The following TRAPPC13 variants were observed in gnomAD, a reference collection of about 807,000 sequenced individuals.
The protein encoded by TRAPPC13 is trafficking protein particle complex subunit 13, also known as REV7-interacting novel NHEJ regulator 1.
A neutral mutation model predicts 54.0 loss-of-function variants in TRAPPC13; 39 were observed. The observed-to-expected ratio is 0.72, with a 90% CI of 0.56 to 0.94. The LOEUF (loss-of-function observed/expected upper bound fraction) is 0.94. Among genes scored for constraint, TRAPPC13 ranks in the 40% least tolerant of loss-of-function variants. The pLI, the probability that TRAPPC13 is intolerant of heterozygous loss-of-function variation, is 0.00. For missense variants in TRAPPC13, 386 were observed against 488.1 expected (o/e 0.79, Z 1.97); for synonymous variants, 148 against 167.7 (o/e 0.88, Z 0.91).
chr5:65,638,420 G>C (rs1007773138), intron 4 of TRAPPC13, among the ~76,000 whole-genome samples: 2 of 152,170 alleles, frequency 1.3e-5, no homozygotes, highest in Admixed American at 6.5e-5. Context: ...AAGGTTTCTT[G>C]GGGGAGAGGG....
At chr5:65,645,905 T>C (rs1313236324) in intron 4 of TRAPPC13, among the ~76,000 whole-genome samples, 1 of 150,368 alleles carries the variant, frequency 6.7e-6, no homozygotes, top group Non-Finnish European at 1.5e-5. Flanking sequence ...TGACCTAATG[T>C]GATCTTTGCT....
At chr5:65,659,685 C>A (rs1233205951) in intron 9 of TRAPPC13, among the ~76,000 whole-genome samples, 2 of 152,094 alleles carry the variant, frequency 1.3e-5, no homozygotes, top group Non-Finnish European at 2.9e-5. Context: ...GACAATAATA[C>A]AGATAAGAAA....
chr5:65,632,847 T>G (rs1000045690), intron 1 of TRAPPC13, among the ~76,000 whole-genome samples: 6 of 152,234 alleles, frequency 3.9e-5, no homozygotes, highest in Non-Finnish European at 8.8e-5. Flanking sequence ...GGTTTTTAAT[T>G]GCCTTCAGTT....
At chr5:65,643,798 C>A (rs1235541834) in intron 4 of TRAPPC13, among the ~76,000 whole-genome samples, 2 of 120,228 alleles carry the variant, frequency 1.7e-5, no homozygotes, top group African/African-American at 6.6e-5. Flanking sequence ...GCCTGGGCGA[C>A]AGAGTGAGAC....
intron 11 of TRAPPC13, chr5:65,664,032 T>C: frequency 1.9e-6 from 1 of 530,662 alleles, no homozygotes; most frequent in Admixed American, 3.7e-5. Context: ...TCTGAGGCTA[T>C]TTTAAGTGCT....
chr5:65,658,107 T>G, intron 8 of TRAPPC13: 1 of 293,714 alleles, frequency 3.4e-6, no homozygotes, highest in Non-Finnish European at 6.3e-6. Context: ...TTAAGTATTT[T>G]GGGATGTTAA....
intron 1 of TRAPPC13, chr5:65,630,294 AAATT>A (rs1755476793): frequency 3.3e-6 from 5 of 1,531,056 alleles, no homozygotes; most frequent in African/African-American, 1.4e-5. Context: ...CTTACTGGAA[AAATT>A]AATTTATTTG....
intron 1 of TRAPPC13, chr5:65,629,361 T>A (rs1256324009): frequency 2.6e-6 from 2 of 783,444 alleles, no homozygotes; most frequent in African/African-American, 3.5e-5. Flanking sequence ...TTTGGTAAAA[T>A]ACCACATTGG....
chr5:65,665,566 ACTTATTTTCTAATTATAAGCCAAAAACCC>A lies in TRAPPC13; in HGVS notation c.*958_*986del, dbSNP rs1757010162. Reference sequence around the variant, plus strand: ...TAATTAACTATTAACTAAGAATAATACTTATTTTCTAATTATAAGCCAAAAACCCCTGGGTTTTTTTCTCATTGATTAAG... The same window carrying A: ...TAATTAACTATTAACTAAGAATAATACTGGGTTTTTTTCTCATTGATTAAG... On this transcript the variant is annotated 3_prime_UTR_variant, in exon 13 of 13. Transcript: ENST00000399438. The A allele has an allele frequency of 6.6e-6, 1 of 152,100 alleles. No homozygotes were observed. The highest frequency in any genetic ancestry group is 6.6e-5 in the Admixed American group (1 of 15,264). 9.4% of individuals were successfully genotyped at this position (152,100 alleles called of 1,614,324 possible).
intron 4 of TRAPPC13, among the ~76,000 whole-genome samples, chr5:65,642,049 G>A (rs1361640621): frequency 1.3e-5 from 2 of 152,110 alleles, no homozygotes; most frequent in African/African-American, 2.4e-5. Context: ...TTGGCCGGGT[G>A]CAGTGGCTCA....
Position 65,664,705 on chromosome 5 carries a change from A to G in TRAPPC13, c.*94A>G. ...TGATGACGTCAACAACGAAGTAAATATGTTACTTAAATTTTCTTTCCTGTA... is the reference window on the plus strand; with the variant it reads ...TGATGACGTCAACAACGAAGTAAATGTGTTACTTAAATTTTCTTTCCTGTA... On this transcript the variant is annotated 3_prime_UTR_variant, in exon 13 of 13. Transcript: ENST00000399438. 1.2e-6 allele frequency: 1 copy of G among 851,160 alleles called. No homozygotes were observed. Among genetic ancestry groups the G allele is most frequent in the South Asian group, 1.6e-5 (1 of 61,018 alleles). The allele number at this position is 851,160 out of a possible 1,614,324, so 52.7% of individuals were successfully genotyped here.
chr5:65,634,821 C>T (rs1451560165), intron 1 of TRAPPC13: 1 of 208,592 alleles, frequency 4.8e-6, no homozygotes, highest in African/African-American at 2.4e-5. Context: ...ATCTCTTGAA[C>T]CTGGGAGATA....
chr5:65,648,872 T>A (rs946406865), intron 5 of TRAPPC13, among the ~76,000 whole-genome samples: 1 of 152,174 alleles, frequency 6.6e-6, no homozygotes, highest in African/African-American at 2.4e-5. Context: ...TTTATTTTTT[T>A]AAATACAGTG....
chr5:65,653,237 T>C (rs1756536557), intron 7 of TRAPPC13, among the ~76,000 whole-genome samples: 1 of 151,632 alleles, frequency 6.6e-6, no homozygotes, highest in African/African-American at 2.4e-5. Flanking sequence ...AAAAATCAGA[T>C]CTCTTGCTAG....
At chr5:65,635,473 AT>A in intron 2 of TRAPPC13, 104 bp downstream of exon 2, 1 of 873,000 alleles carries the variant, frequency 1.1e-6, no homozygotes, top group South Asian at 1.7e-5. Flanking sequence ...TATGCTAACC[AT>A]TTGCTGGATT....
In TRAPPC13 at chr5:65,664,223, G is replaced by A; in HGVS notation, c.999-14G>A. ...GAACAAGATTTATTCCTATTATTCTGATTCCTCCAGCAGTGAAAGGACTAT... is the reference window on the plus strand; with the variant it reads ...GAACAAGATTTATTCCTATTATTCTAATTCCTCCAGCAGTGAAAGGACTAT... On this transcript the variant is annotated splice_polypyrimidine_tract_variant and intron_variant, in intron 11 of 12. Transcript: ENST00000399438. The A allele has an allele frequency of 6.2e-7, 1 of 1,610,970 alleles. No individual in the cohort carries two copies. The highest frequency in any genetic ancestry group is 8.5e-7 in the Non-Finnish European group (1 of 1,178,518).
chr5:65,630,344 A>T, intron 1 of TRAPPC13: 1 of 1,482,932 alleles, frequency 6.7e-7, no homozygotes, highest in Non-Finnish European at 8.9e-7. Flanking sequence ...TATGTAATGA[A>T]TTCCACTGAT....
At chr5:65,629,208 T>A (rs896821168) in intron 1 of TRAPPC13, among the ~76,000 whole-genome samples, 4 of 152,166 alleles carry the variant, frequency 2.6e-5, no homozygotes, top group Non-Finnish European at 1.5e-5. Context: ...TCCAAGTCCT[T>A]TATATCTATT....
At chr5:65,627,131 C>CAAAAAAAAAAAAAAAAAAAAAAAAAA (rs60169195) in intron 1 of TRAPPC13, among the ~76,000 whole-genome samples, 4 of 32,576 alleles carry the variant, frequency 1.2e-4, no homozygotes, top group Non-Finnish European at 1.3e-4. Flanking sequence ...GACCCTGTCT[C>CAAAAAAAAAAAAAAAAAAAAAAAAAA]AAAAAAAAAA....
Sources: allele counts gnomAD v4.1 joint callset (sites outside exome capture counted in the v4.1 genomes callset), GRCh38; gene constraint gnomAD v4.1.1; transcripts MANE v1.5; gene names NCBI Gene and HGNC (gene_info 2026-07-23, HGNC 2026-07-21).